LINGO2: variants seen among roughly 807,000 people sequenced by gnomAD.
LINGO2 encodes leucine rich repeat and Ig domain containing 2.
In LINGO2, 14 loss-of-function variants were observed where a neutral mutation model predicts 30.6. The observed-to-expected ratio is 0.46, with a 90% confidence interval of 0.30 to 0.72. LINGO2 has a LOEUF of 0.72. LINGO2 is among the 30% of genes least tolerant of loss of function. LINGO2 has a pLI of 0.07. For missense variants in LINGO2, 729 were observed against 751.7 expected, an observed-to-expected ratio of 0.97 and a Z score of 0.35; for synonymous variants, 317 against 288.5, an observed-to-expected ratio of 1.10 and a Z score of -1.00.
the LINGO2 span, among the ~76,000 whole-genome samples, chr9:28,831,942 T>C: frequency 2.0e-5 from 3 of 152,222 alleles, no homozygotes; most frequent in Admixed American, 6.5e-5. Context: ...TGGTAAAGAA[T>C]GATTAAACAA....
the LINGO2 span, among the ~76,000 whole-genome samples, chr9:29,037,047 G>C: frequency 2.6e-5 from 4 of 151,700 alleles, no homozygotes; most frequent in Admixed American, 6.6e-5. Context: ...ATAATTTCCA[G>C]TGACGTTCAT....
chr9:29,175,045 G>A, the LINGO2 span, among the ~76,000 whole-genome samples: 3 of 152,072 alleles, frequency 2.0e-5, no homozygotes, highest in Non-Finnish European at 2.9e-5. Context: ...GGGACAATGA[G>A]GTTGGGAGTT....
chr9:28,049,355 G>C (rs559096415), intron 4 of LINGO2, among the ~76,000 whole-genome samples: 1 of 150,888 alleles, frequency 6.6e-6, no homozygotes, highest in East Asian at 2.0e-4. Context: ...ACTAGGGTTA[G>C]GCTATTTTAG....
At chr9:28,771,675 A>G in the LINGO2 span, among the ~76,000 whole-genome samples, 2 of 152,258 alleles carry the variant, frequency 1.3e-5, no homozygotes, top group African/African-American at 4.8e-5. Context: ...AATATCTAAT[A>G]TTCAGAATGT....
chr9:29,094,578 C>A, the LINGO2 span, among the ~76,000 whole-genome samples: 13 of 138,610 alleles, frequency 9.4e-5, 3 homozygotes, highest in African/African-American at 3.5e-4. Context: ...ACAGTAGGTA[C>A]CAGCTACATG....
At chr9:28,958,715 A>G in the LINGO2 span, among the ~76,000 whole-genome samples, 3 of 152,046 alleles carry the variant, frequency 2.0e-5, no homozygotes, top group African/African-American at 7.2e-5. Context: ...AAGAGGAGAA[A>G]AAAGGAGAGA....
chr9:28,285,573 T>G (rs112350492), intron 4 of LINGO2, among the ~76,000 whole-genome samples: 2 of 151,706 alleles, frequency 1.3e-5, no homozygotes, highest in South Asian at 2.1e-4. Context: ...GCCTGGCTAA[T>G]TTTTTGTATT....
intron 1 of LINGO2, among the ~76,000 whole-genome samples, chr9:28,614,286 T>C (rs1464626801): frequency 6.6e-6 from 1 of 152,174 alleles, no homozygotes; most frequent in Non-Finnish European, 1.5e-5. Context: ...GACCTATGTG[T>C]TTCCTAGCTG....
At chr9:28,559,496 A>G (rs1419046685) in intron 1 of LINGO2, among the ~76,000 whole-genome samples, 2 of 152,064 alleles carry the variant, frequency 1.3e-5, no homozygotes, top group African/African-American at 4.8e-5. Flanking sequence ...AGCTTGTAGT[A>G]TGCTCTTCCA....
At chr9:28,516,134 C>G (rs1820609574) in intron 1 of LINGO2, among the ~76,000 whole-genome samples, 1 of 152,158 alleles carries the variant, frequency 6.6e-6, no homozygotes, top group Non-Finnish European at 1.5e-5. Flanking sequence ...ATTTAATAGA[C>G]TATGTTATAC....
the LINGO2 span, among the ~76,000 whole-genome samples, chr9:29,175,591 ATC>A: frequency 7.2e-6 from 1 of 139,564 alleles, no homozygotes; most frequent in Non-Finnish European, 1.5e-5. Context: ...CAGTGGAGCG[ATC>A]TCGGCTCACT....
At chr9:28,604,528 C>G (rs1825622319) in intron 1 of LINGO2, among the ~76,000 whole-genome samples, 1 of 151,898 alleles carries the variant, frequency 6.6e-6, no homozygotes, top group Non-Finnish European at 1.5e-5. Flanking sequence ...ATAAAAGACA[C>G]CACGGTTTAA....
At chr9:28,770,826 G>A in the LINGO2 span, among the ~76,000 whole-genome samples, 1 of 152,156 alleles carries the variant, frequency 6.6e-6, no homozygotes, top group Non-Finnish European at 1.5e-5. Flanking sequence ...GAAAAAATTG[G>A]TAGATGTTCC....
chr9:28,694,912 G>A, the LINGO2 span, among the ~76,000 whole-genome samples: 1 of 150,916 alleles, frequency 6.6e-6, no homozygotes, highest in African/African-American at 2.4e-5. Flanking sequence ...CTAAATTAGA[G>A]GACACAGTTT....
chr9:28,284,185 G>A (rs1823426255), intron 4 of LINGO2, among the ~76,000 whole-genome samples: 1 of 152,118 alleles, frequency 6.6e-6, no homozygotes, highest in African/African-American at 2.4e-5. Flanking sequence ...CCTCACTGAG[G>A]GGAAAAGTGA....
intron 4 of LINGO2, among the ~76,000 whole-genome samples, chr9:28,293,695 A>T (rs535159797): frequency 8.6e-5 from 13 of 151,892 alleles, no homozygotes; most frequent in African/African-American, 2.2e-4. Flanking sequence ...TCCAAAAAAA[A>T]TTTTTTTTTA....
the LINGO2 span, among the ~76,000 whole-genome samples, chr9:28,885,360 T>A: frequency 6.9e-6 from 1 of 144,140 alleles, no homozygotes; most frequent in Admixed American, 7.0e-5. Context: ...TATATATATA[T>A]ACACACACAC....
the LINGO2 span, among the ~76,000 whole-genome samples, chr9:29,065,746 T>C: frequency 6.6e-6 from 1 of 151,984 alleles, no homozygotes; most frequent in Non-Finnish European, 1.5e-5. Flanking sequence ...CATATGAATA[T>C]GCTAAATTTC....
At chr9:28,746,447 A>T in the LINGO2 span, among the ~76,000 whole-genome samples, 4 of 152,010 alleles carry the variant, frequency 2.6e-5, no homozygotes, top group Non-Finnish European at 2.9e-5. Context: ...TGAAAATTTC[A>T]TATCTAATTG....
Sources: allele counts gnomAD v4.1 joint callset (sites outside exome capture counted in the v4.1 genomes callset), GRCh38; gene constraint gnomAD v4.1.1; transcripts MANE v1.5; gene names NCBI Gene and HGNC (gene_info 2026-07-23, HGNC 2026-07-21).